SNRNP48: variants seen among roughly 807,000 people sequenced by gnomAD.
The protein encoded by SNRNP48 is U11/U12 small nuclear ribonucleoprotein 48 kDa protein.
A neutral mutation model predicts 47.0 loss-of-function variants in SNRNP48; 43 were observed. That is an observed-to-expected ratio of 0.92 (90% CI 0.72 to 1.18). The LOEUF is 1.18. Among genes scored for constraint, SNRNP48 ranks in the 50% most tolerant of loss-of-function variants. The pLI is 0.00. For missense variants in SNRNP48, 396 were observed against 422.2 expected (o/e 0.94, Z 0.54); for synonymous variants, 138 against 144.0 (o/e 0.96, Z 0.30).
chr6:7,604,693 A>G (rs770165139), intron 6 of SNRNP48, among the ~76,000 whole-genome samples: 24 of 152,212 alleles, frequency 1.6e-4, no homozygotes, highest in Admixed American at 8.5e-4. Context: ...TTGCCTCTGC[A>G]GTGACTAACC....
At chr6:7,600,311 C>A in intron 4 of SNRNP48, 1 of 604,838 alleles carries the variant, frequency 1.7e-6, no homozygotes, top group Non-Finnish European at 2.1e-6. Context: ...TTCTTTTTGC[C>A]TCTACCTAGG....
rs536655812 is a variant in SNRNP48, at chr6:7,604,844, G to A, written c.718-554G>A. On this transcript the variant is annotated intron_variant, in intron 6 of 8. Coordinates refer to ENST00000342415, the MANE Select transcript of SNRNP48 (RefSeq NM_152551.4). ...CATATTTTGTCTTATTAAGTCATAT[G>A]ATTAAGTCAAGATGACTTAATTATA... 2.6e-4 allele frequency among the ~76,000 whole-genome samples: 39 copies of A among 152,246 alleles called. 1 individual carries two copies. The South Asian group carries it at 7.3e-3, about 28-fold the overall frequency.
chr6:7,605,341 A>C, intron 6 of SNRNP48, 57 bp from the exon 7 acceptor site: 1 of 1,329,122 alleles, frequency 7.5e-7, no homozygotes, highest in Non-Finnish European at 1.1e-6. Flanking sequence ...CTAGCGTTAC[A>C]GTCTTAATTT....
rs3823184 is a variant in SNRNP48, at chr6:7,606,066, G to A, written c.842G>A (p.Arg281Gln). ...AGGCGATCAGCTTCAGTAGATTCAC[G>A]GCAGTCTGGTGGAAGCTATTTGGAT... ...EERRSASVDS[R>Q]QSGGSYLDAE... The change falls in exon 8 of 9, where the codon CGG (arginine) becomes CAG (glutamine). Residue 281 changes from arginine to glutamine, a missense_variant. Arg to Gln is a conservative substitution (Grantham distance 43). Transcript: ENST00000342415. The A allele has an allele frequency of 3.1e-4, 498 of 1,610,494 alleles. 6 individuals carry two copies. The East Asian group carries it at 9.3e-3, about 30-fold the overall frequency.
rs555108719 is a variant in SNRNP48 at position 7,599,552 on chromosome 6, T to C, written c.407-1784T>C. The stretch of plus-strand genomic sequence containing the variant: ...AAAACATGCATTTTGAAAATTTACA[T>C]TTTATGTAAATGTAAGTTTATTTAA... On this transcript the variant is annotated intron_variant, in intron 4 of 8. Coordinates refer to ENST00000342415, the MANE Select transcript of SNRNP48 (RefSeq NM_152551.4). The C allele has an allele frequency of 1.1e-3, 558 of 495,556 alleles. 2 individuals carry two copies. Among genetic ancestry groups the C allele is most frequent in the Non-Finnish European group, 1.4e-3 (463 of 326,942 alleles). The allele number at this position is 495,556 out of a possible 1,614,324, so 30.7% of individuals were successfully genotyped here. A position where few individuals can be genotyped will look rare whatever the true frequency, so the allele number is the denominator to read the frequency against.
intron 8 of SNRNP48, among the ~76,000 whole-genome samples, chr6:7,608,479 G>A (rs1026980700): frequency 8.6e-5 from 13 of 152,004 alleles, no homozygotes; most frequent in South Asian, 2.1e-4. Context: ...GCTTGAATCC[G>A]GGAGGCGAAG....
chr6:7,603,698 T>C (rs574356815), intron 6 of SNRNP48, among the ~76,000 whole-genome samples: 1 of 152,344 alleles, frequency 6.6e-6, no homozygotes, highest in East Asian at 1.9e-4. Context: ...ACTAATACTC[T>C]GTACCACACA....
At chr6:7,594,207 G>T in intron 3 of SNRNP48, 48 bp downstream of exon 3, 2 of 938,050 alleles carry the variant, frequency 2.1e-6, no homozygotes, top group South Asian at 3.8e-5. Context: ...TGTAGATATT[G>T]ATTTTTCATT....
chr6:7,595,142 T>G (rs2113714958), intron 4 of SNRNP48, 41 bp downstream of exon 4: 1 of 1,475,062 alleles, frequency 6.8e-7, no homozygotes, highest in Middle Eastern at 1.9e-4. Context: ...AGAATGAAAT[T>G]ATTATTTTTC....
intron 2 of SNRNP48, 29 bp from the exon 3 acceptor site, chr6:7,594,070 T>C: frequency 1.5e-6 from 2 of 1,294,688 alleles, no homozygotes; most frequent in Non-Finnish European, 2.1e-6. Context: ...TATCTGATAC[T>C]TAAGAACAGT....
chr6:7,606,354 C>A, intron 8 of SNRNP48, 159 bp downstream of exon 8: 1 of 761,416 alleles, frequency 1.3e-6, no homozygotes, highest in Non-Finnish European at 2.0e-6. Context: ...CATTATAGTT[C>A]AGTTCAAATA....
At chr6:7,605,917 C>A in intron 7 of SNRNP48, 114 bp from the exon 8 acceptor site, 1 of 1,074,254 alleles carries the variant, frequency 9.3e-7, no homozygotes, top group Admixed American at 2.6e-5. Context: ...ATATTTAGAC[C>A]ATATCTACCA....
chr6:7,590,639 C>T (rs766570508), intron 1 of SNRNP48, among the ~76,000 whole-genome samples: 1 of 152,202 alleles, frequency 6.6e-6, no homozygotes, highest in Non-Finnish European at 1.5e-5. Context: ...GAAGGCTCCA[C>T]ATCGACCTCC....
At chr6:7,591,103 T>TC (rs1426686364) in intron 1 of SNRNP48, among the ~76,000 whole-genome samples, 49 of 152,330 alleles carry the variant, frequency 3.2e-4, no homozygotes, top group African/African-American at 1.2e-3. Flanking sequence ...GTTTGCATTG[T>TC]CATCTGTCAT....
At chr6:7,593,898 C>A in intron 2 of SNRNP48, 51 bp downstream of exon 2, 1 of 1,312,978 alleles carries the variant, frequency 7.6e-7, no homozygotes, top group South Asian at 1.5e-5. Context: ...GCATTTTACA[C>A]ATTAATTCAC....
At chr6:7,600,661 C>T (rs1239799287) in intron 4 of SNRNP48, 2 of 152,044 alleles carry the variant, frequency 1.3e-5, no homozygotes. Flanking sequence ...CCGGGGGGCA[C>T]TGCTATTAAC....
intron 3 of SNRNP48, among the ~76,000 whole-genome samples, 174 bp downstream of exon 3, chr6:7,594,333 T>C (rs1759867740): frequency 6.6e-6 from 1 of 152,152 alleles, no homozygotes; most frequent in African/African-American, 2.4e-5. Context: ...TAATCTGAAG[T>C]TTAGAGACCA....
chr6:7,608,629 T>A (rs1473733291), intron 8 of SNRNP48, among the ~76,000 whole-genome samples, 196 bp from the exon 9 acceptor site: 2 of 152,180 alleles, frequency 1.3e-5, no homozygotes, highest in South Asian at 2.1e-4. Flanking sequence ...TGATTTTTTT[T>A]TAATTACGCT....
chr6:7,599,740 C>T, intron 4 of SNRNP48: 2 of 1,279,612 alleles, frequency 1.6e-6, no homozygotes, highest in South Asian at 1.3e-5. Context: ...TATGCAGTAT[C>T]CTTTTTGCAA....
Sources: allele counts gnomAD v4.1 joint callset (sites outside exome capture counted in the v4.1 genomes callset), GRCh38; gene constraint gnomAD v4.1.1; transcripts MANE v1.5; gene names NCBI Gene and HGNC (gene_info 2026-07-23, HGNC 2026-07-21).